The following RHBDD1 variants were observed in gnomAD, a reference collection of about 807,000 sequenced individuals.
RHBDD1 encodes rhomboid domain containing 1, also known as rhomboid-related protein 4.
A neutral mutation model predicts 36.3 loss-of-function variants in RHBDD1; 38 were observed. That is an observed-to-expected ratio of 1.05 (90% CI 0.81 to 1.37). The LOEUF (loss-of-function observed/expected upper bound fraction) is 1.37. Among genes scored for constraint, RHBDD1 ranks in the 40% most tolerant of loss-of-function variants. RHBDD1 has a pLI of 0.00. For missense variants in RHBDD1, 393 were observed against 377.6 expected, an observed-to-expected ratio of 1.04 and a Z score of -0.34; for synonymous variants, 151 against 136.5, an observed-to-expected ratio of 1.11 and a Z score of -0.74.
At chr2:226,882,509 T>C (rs1217770533) in intron 5 of RHBDD1, among the ~76,000 whole-genome samples, 1 of 150,738 alleles carries the variant, frequency 6.6e-6, no homozygotes, top group Non-Finnish European at 1.5e-5. Context: ...TTGTGGGAGA[T>C]AGAAGACATA....
the RHBDD1 span, among the ~76,000 whole-genome samples, chr2:226,822,058 C>G: frequency 6.6e-6 from 1 of 152,046 alleles, no homozygotes; most frequent in Non-Finnish European, 1.5e-5. Context: ...TGTGAACTTC[C>G]CAATTTTCTA....
At chr2:226,896,803 T>C (rs915490294) in intron 5 of RHBDD1, among the ~76,000 whole-genome samples, 2 of 152,128 alleles carry the variant, frequency 1.3e-5, no homozygotes, top group African/African-American at 2.4e-5. Context: ...CTATTAGTTA[T>C]CTCAAAAATT....
At chr2:226,848,478 A>T (rs953598099) in intron 3 of RHBDD1, among the ~76,000 whole-genome samples, 2 of 152,200 alleles carry the variant, frequency 1.3e-5, no homozygotes, top group Non-Finnish European at 2.9e-5. Context: ...GCTCTGACAC[A>T]TAAAGATACT....
the RHBDD1 span, chr2:226,808,425 T>G: frequency 3.9e-5 from 6 of 152,250 alleles, no homozygotes; most frequent in African/African-American, 1.4e-4. Context: ...GGGCACAGTG[T>G]TGATGGCTTG....
At chr2:226,985,762 G>A (rs1378719227) in intron 8 of RHBDD1, among the ~76,000 whole-genome samples, 6 of 152,194 alleles carry the variant, frequency 3.9e-5, no homozygotes, top group Non-Finnish European at 7.3e-5. Flanking sequence ...ACTTCACCTG[G>A]AATGAGGGGT....
At chr2:226,801,422 A>G in the RHBDD1 span, among the ~76,000 whole-genome samples, 53 of 152,224 alleles carry the variant, frequency 3.5e-4, no homozygotes, top group African/African-American at 1.3e-3. Flanking sequence ...AAAGAACCAT[A>G]GGCGCCATTC....
chr2:226,987,004 AG>A (rs1309970747), intron 8 of RHBDD1, among the ~76,000 whole-genome samples: 1 of 152,260 alleles, frequency 6.6e-6, no homozygotes, highest in African/African-American at 2.4e-5. Flanking sequence ...GCCATAAAAA[AG>A]AATGAGTTCA....
At chr2:226,810,760 CA>C in the RHBDD1 span, among the ~76,000 whole-genome samples, 1 of 152,050 alleles carries the variant, frequency 6.6e-6, no homozygotes, top group Non-Finnish European at 1.5e-5. Flanking sequence ...TGGATCCATG[CA>C]GTTCAAACCC....
rs1017335129 is a variant in RHBDD1 at position 226,922,453 on chromosome 2, C to T, written c.856+8102C>T. Among the ~76,000 whole-genome samples the T allele has an allele frequency of 3.3e-5, 5 of 151,990 alleles. No individual in the cohort carries two copies. In the South Asian group the frequency reaches 6.2e-4, roughly 19 times the overall value. ...CGATCTCCTGACCTTGTGATCCGCC[C>T]ACCTCGGCCTCCCAAAGGGCTGGGA... On this transcript the variant is annotated intron_variant, in intron 8 of 8. Coordinates refer to ENST00000392062, the MANE Select transcript of RHBDD1 (RefSeq NM_001167608.3).
chr2:226,820,150 G>T, the RHBDD1 span, among the ~76,000 whole-genome samples: 1 of 151,910 alleles, frequency 6.6e-6, no homozygotes, highest in South Asian at 2.1e-4. Flanking sequence ...ATAATAATCC[G>T]ACCTCATAGA....
intron 5 of RHBDD1, among the ~76,000 whole-genome samples, chr2:226,891,480 C>T (rs983736961): frequency 5.3e-5 from 8 of 152,214 alleles, no homozygotes; most frequent in African/African-American, 1.9e-4. Context: ...ACAGGTTCCA[C>T]CTATGCTCAT....
chr2:226,889,278 G>A (rs1314759871), intron 5 of RHBDD1, among the ~76,000 whole-genome samples: 1 of 152,134 alleles, frequency 6.6e-6, no homozygotes, highest in Non-Finnish European at 1.5e-5. Context: ...TAATGAGAGA[G>A]GTGTTCTTTA....
At chr2:226,901,393 A>T (rs1379563239) in intron 5 of RHBDD1, among the ~76,000 whole-genome samples, 1 of 152,210 alleles carries the variant, frequency 6.6e-6, no homozygotes. Context: ...CTTTGGGTAT[A>T]TATGCAGAAG....
intron 8 of RHBDD1, among the ~76,000 whole-genome samples, chr2:226,965,441 A>C (rs958266444): frequency 6.6e-6 from 1 of 152,246 alleles, no homozygotes; most frequent in African/African-American, 2.4e-5. Context: ...ACAAGCATCA[A>C]GGGTAAAAGC....
intron 5 of RHBDD1, chr2:226,869,249 C>T: frequency 1.1e-6 from 1 of 911,654 alleles, no homozygotes; most frequent in Non-Finnish European, 1.3e-6. Flanking sequence ...ATGAAATTTC[C>T]TGTCTTTGAA....
chr2:226,969,732 A>G (rs1953082566), intron 8 of RHBDD1, among the ~76,000 whole-genome samples: 1 of 152,216 alleles, frequency 6.6e-6, no homozygotes, highest in Admixed American at 6.5e-5. Flanking sequence ...TGAGTCACTT[A>G]TGCCTAAGTC....
intron 8 of RHBDD1, among the ~76,000 whole-genome samples, chr2:226,940,469 A>G (rs1215045256): frequency 6.6e-6 from 1 of 152,188 alleles, no homozygotes; most frequent in Non-Finnish European, 1.5e-5. Flanking sequence ...TTAGGTGTAT[A>G]ACTGCCATTT....
At chr2:226,935,994 A>G (rs1950307331) in intron 8 of RHBDD1, among the ~76,000 whole-genome samples, 3 of 152,168 alleles carry the variant, frequency 2.0e-5, no homozygotes, top group South Asian at 2.1e-4. Flanking sequence ...CATTATAGCC[A>G]GGACAGAGAT....
chr2:226,803,517 C>G, the RHBDD1 span, among the ~76,000 whole-genome samples: 1 of 152,132 alleles, frequency 6.6e-6, no homozygotes, highest in South Asian at 2.1e-4. Flanking sequence ...GTGTTAGGCA[C>G]TAGGCTGGAC....
Sources: allele counts gnomAD v4.1 joint callset (sites outside exome capture counted in the v4.1 genomes callset), GRCh38; gene constraint gnomAD v4.1.1; transcripts MANE v1.5; gene names NCBI Gene and HGNC (gene_info 2026-07-23, HGNC 2026-07-21).